CRK: variants seen among roughly 807,000 people sequenced by gnomAD.
CRK encodes adapter molecule crk.
Under a neutral mutation model 29.8 loss-of-function variants are expected in CRK, and 4 were observed. The ratio of observed to expected loss-of-function variants is 0.13; its 90% CI spans 0.07 to 0.31. The LOEUF (loss-of-function observed/expected upper bound fraction) is 0.31, where lower values mean the gene tolerates loss of function less well. CRK is among the 10% of genes least tolerant of loss of function. The pLI is 1.00. For synonymous variants in CRK, 153 were observed against 164.9 expected (o/e 0.93, Z 0.55); for missense variants, 274 against 396.5 (o/e 0.69, Z 2.62).
intron 1 of CRK, among the ~76,000 whole-genome samples, chr17:1,447,044 G>A (rs1311596356): frequency 2.6e-5 from 4 of 152,102 alleles, no homozygotes; most frequent in African/African-American, 4.8e-5. Context: ...TGAACTGCTG[G>A]GGGCCATCAA....
chr17:1,430,300 G>A (rs1026711206), intron 2 of CRK, among the ~76,000 whole-genome samples: 3 of 150,836 alleles, frequency 2.0e-5, no homozygotes, highest in Admixed American at 6.6e-5. Context: ...CACCCACCTC[G>A]ACCTCCCAAA....
chr17:1,440,654 T>C (rs1377085455), intron 1 of CRK, among the ~76,000 whole-genome samples: 2 of 151,960 alleles, frequency 1.3e-5, no homozygotes, highest in Non-Finnish European at 2.9e-5. Context: ...GGCTCACACC[T>C]GTAATCCCAG....
intron 2 of CRK, among the ~76,000 whole-genome samples, chr17:1,427,030 CAAAAAAAAAAAAAAAAAAAAAAAAAA>C (rs562515421): frequency 7.1e-4 from 25 of 35,304 alleles, no homozygotes; most frequent in East Asian, 2.6e-3. Context: ...AAACTGTCTC[CAAAAAAAAAAAAAAAAAAAAAAAAAA>C]AAAAAAAAAA....
intron 2 of CRK, among the ~76,000 whole-genome samples, chr17:1,433,807 C>T (rs1403093732): frequency 1.4e-5 from 2 of 146,822 alleles, no homozygotes; most frequent in Non-Finnish European, 3.0e-5. Context: ...GCGTGAGCCA[C>T]CGCACCCAGC....
chr17:1,443,004 A>C (rs1325900674), intron 1 of CRK, among the ~76,000 whole-genome samples: 2 of 135,886 alleles, frequency 1.5e-5, no homozygotes, highest in African/African-American at 2.7e-5. Flanking sequence ...TTTGAGACGG[A>C]CTCTTGCTCT....
chr17:1,451,719 G>GAA (rs1184829134), intron 1 of CRK, among the ~76,000 whole-genome samples: 2 of 146,292 alleles, frequency 1.4e-5, no homozygotes, highest in African/African-American at 5.0e-5. Context: ...ATAGTGGGGG[G>GAA]AAAAAAAAAC....
intron 2 of CRK, among the ~76,000 whole-genome samples, chr17:1,432,795 AAAG>A (rs2073856743): frequency 6.6e-6 from 1 of 151,964 alleles, no homozygotes; most frequent in Non-Finnish European, 1.5e-5. Flanking sequence ...AAAAAAAAGA[AAAG>A]AAGAACAAAG....
At chr17:1,438,048 C>G (rs899876611) in intron 1 of CRK, among the ~76,000 whole-genome samples, 5 of 152,018 alleles carry the variant, frequency 3.3e-5, no homozygotes, top group African/African-American at 1.2e-4. Flanking sequence ...GTGGAGAGAG[C>G]TTGTGTCTGC....
At chr17:1,453,702 T>A (rs574324592) in intron 1 of CRK, among the ~76,000 whole-genome samples, 14 of 151,296 alleles carry the variant, frequency 9.3e-5, no homozygotes, top group Non-Finnish European at 1.8e-4. Context: ...AGGTCAGGAG[T>A]TCGAGACCAG....
chr17:1,450,411 G>A (rs1292666202), intron 1 of CRK, among the ~76,000 whole-genome samples: 4 of 151,764 alleles, frequency 2.6e-5, no homozygotes, highest in South Asian at 4.1e-4. Context: ...GGAGGCTGAG[G>A]GAGGAGAATG....
At chr17:1,427,348 C>T (rs1469306406) in intron 2 of CRK, among the ~76,000 whole-genome samples, 1 of 151,334 alleles carries the variant, frequency 6.6e-6, no homozygotes, top group East Asian at 2.0e-4. Flanking sequence ...AATCCCAGCA[C>T]TTTGGGAGGC....
chr17:1,456,043 C>T lies in CRK; in HGVS notation c.75G>A (p.Ala25=). ...CCCCGTGCCGCTGGCCCTGCAGCAGCGCCACCGCCTCCTGCCGACTCAACC... is the reference window on the plus strand; with the variant it reads ...CCCCGTGCCGCTGGCCCTGCAGCAGTGCCACCGCCTCCTGCCGACTCAACC... The part of the protein sequence containing the change: ...WGRLSRQEAV[A]LLQGQRHGVF... Residue 25 remains alanine (A), a synonymous_variant, in exon 1 of 3, where the codon GCG becomes GCA. Coordinates refer to ENST00000300574, the MANE Select transcript of CRK (RefSeq NM_016823.4). 6.3e-7 allele frequency: 1 copy of T among 1,593,810 alleles called. No individual in the cohort carries two copies. The highest frequency in any genetic ancestry group is 1.1e-5 in the South Asian group (1 of 88,828).
chr17:1,427,410 G>A (rs1306964812), intron 2 of CRK, among the ~76,000 whole-genome samples: 2 of 151,638 alleles, frequency 1.3e-5, no homozygotes, highest in Non-Finnish European at 2.9e-5. Flanking sequence ...TGGCTAACAC[G>A]GTGAAACCCC....
chr17:1,447,253 GC>G (rs2150911826), intron 1 of CRK, among the ~76,000 whole-genome samples: 1 of 152,316 alleles, frequency 6.6e-6, no homozygotes, highest in East Asian at 1.9e-4. Context: ...GAGAACAGAA[GC>G]AACGACAGGA....
intron 1 of CRK, among the ~76,000 whole-genome samples, chr17:1,446,614 C>T (rs777856113): frequency 9.4e-5 from 9 of 95,336 alleles, no homozygotes; most frequent in Non-Finnish European, 1.5e-4. Flanking sequence ...TTTTTTGAGG[C>T]GGAGTCTCGC....
Position 1,446,912 on chromosome 17 carries a change from G to A in CRK, c.241+8965C>T, listed in dbSNP as rs888920936. 1.3e-4 allele frequency among the ~76,000 whole-genome samples: 20 copies of A among 152,192 alleles called. 1 individual carries two copies. The highest frequency in any genetic ancestry group is 4.1e-4 in the African/African-American group (17 of 41,540). ...CCGGCCGTGACTTTCTTTTTGTTTG[G>A]CAATCCCAATAGACACAGAAACGTA... On this transcript the variant is annotated intron_variant, in intron 1 of 2. Coordinates refer to ENST00000300574, the MANE Select transcript of CRK (RefSeq NM_016823.4).
At chr17:1,443,436 C>T (rs1338525845) in intron 1 of CRK, among the ~76,000 whole-genome samples, 1 of 152,084 alleles carries the variant, frequency 6.6e-6, no homozygotes, top group Non-Finnish European at 1.5e-5. Context: ...CTCACTGTTG[C>T]CCAGGATGGA....
intron 1 of CRK, among the ~76,000 whole-genome samples, chr17:1,448,847 G>A (rs999571534): frequency 2.0e-5 from 3 of 152,014 alleles, no homozygotes; most frequent in Non-Finnish European, 4.4e-5. Context: ...CACTTTGGGA[G>A]GCTGAGGCAG....
intron 1 of CRK, among the ~76,000 whole-genome samples, chr17:1,451,050 G>A (rs953374685): frequency 1.3e-5 from 2 of 151,590 alleles, no homozygotes; most frequent in African/African-American, 4.8e-5. Context: ...AAATTAGCCG[G>A]GCGTGGTGGC....
Sources: gnomAD v4.1 joint callset for allele counts (sites outside exome capture counted in the v4.1 genomes callset) on GRCh38, gnomAD v4.1.1 for gene constraint, MANE v1.5 for transcripts, NCBI Gene and HGNC (gene_info 2026-07-23, HGNC 2026-07-21) for gene names.